UFSP2: variants seen among roughly 807,000 people sequenced by gnomAD.
The protein encoded by UFSP2 is UFM1 specific peptidase 2, also known as ufm1-specific protease 2.
In UFSP2, 43 loss-of-function variants were observed where a neutral mutation model predicts 60.2. The ratio of observed to expected loss-of-function variants is 0.71; its 90% CI spans 0.56 to 0.92. The LOEUF is 0.92. UFSP2 is among the 40% of genes least tolerant of loss of function. The pLI, the probability that UFSP2 is intolerant of heterozygous loss-of-function variation, is 0.00. For synonymous variants in UFSP2, 183 were observed against 195.1 expected (o/e 0.94, Z 0.52); for missense variants, 520 against 575.0 (o/e 0.90, Z 0.98).
At chr4:185,404,299 T>TG (rs1373569398) in intron 10 of UFSP2, among the ~76,000 whole-genome samples, 1 of 143,662 alleles carries the variant, frequency 7.0e-6, no homozygotes, top group African/African-American at 2.7e-5. Flanking sequence ...TTAAGTTTTT[T>TG]TTTTTTTTTT....
chr4:185,422,172 CATGT>C (rs1254778767), intron 2 of UFSP2, among the ~76,000 whole-genome samples: 2 of 152,196 alleles, frequency 1.3e-5, no homozygotes, highest in Non-Finnish European at 2.9e-5. Context: ...GCAAGTCTGT[CATGT>C]ACAATTCTCG....
At chr4:185,411,069 A>G (rs2095528451) in intron 7 of UFSP2, among the ~76,000 whole-genome samples, 1 of 151,820 alleles carries the variant, frequency 6.6e-6, no homozygotes, top group African/African-American at 2.4e-5. Flanking sequence ...AGCAAAAATT[A>G]ATAAAATCAA....
In UFSP2 at chr4:185,418,602, A is replaced by G. The variant is rs770444245; in HGVS notation, c.251T>C (p.Ile84Thr). ...ELTDASACKN[I>T]LRFIQFEPEE... ...ACATACTCACTGAATAAAGCGCAGTATGTTCTTACAAGCAGAAGCATCAGT... is the reference window on the plus strand; with the variant it reads ...ACATACTCACTGAATAAAGCGCAGTGTGTTCTTACAAGCAGAAGCATCAGT... The change falls in exon 3 of 12, where the codon ATA (isoleucine) becomes ACA (threonine). Residue 84 changes from isoleucine to threonine, a missense_variant. Transcript: ENST00000264689. 1.2e-6 allele frequency: 2 copies of G among 1,613,306 alleles called. No homozygotes were observed. Among genetic ancestry groups the G allele is most frequent in the East Asian group, 4.5e-5 (2 of 44,836 alleles).
intron 10 of UFSP2, 38 bp from the exon 11 acceptor site, chr4:185,403,656 A>C (rs1561107006): frequency 2.5e-6 from 4 of 1,598,300 alleles, no homozygotes; most frequent in Non-Finnish European, 3.4e-6. Flanking sequence ...ATGAAGGCAT[A>C]AACAAATGTC....
chr4:185,414,489 C>T (rs1041655262), intron 6 of UFSP2, among the ~76,000 whole-genome samples: 1 of 152,158 alleles, frequency 6.6e-6, no homozygotes, highest in African/African-American at 2.4e-5. Context: ...AAAAGATCAG[C>T]TCCTGTAGCT....
intron 10 of UFSP2, 52 bp downstream of exon 10, chr4:185,405,728 T>C: frequency 3.9e-6 from 6 of 1,549,108 alleles, no homozygotes; most frequent in Non-Finnish European, 4.4e-6. Context: ...ATATCAATGA[T>C]AAGTTTTGCA....
chr4:185,403,125 CTT>C (rs1487553854), intron 11 of UFSP2, among the ~76,000 whole-genome samples: 1 of 152,154 alleles, frequency 6.6e-6, no homozygotes, highest in Non-Finnish European at 1.5e-5. Context: ...GCTTAGCTAT[CTT>C]TTGGTTAATT....
At chr4:185,407,837 A>C in intron 9 of UFSP2, 99 bp downstream of exon 9, 1 of 1,295,034 alleles carries the variant, frequency 7.7e-7, no homozygotes, top group Admixed American at 2.7e-5. Flanking sequence ...AAAAGGAATA[A>C]AAAGAAATAA....
intron 6 of UFSP2, among the ~76,000 whole-genome samples, chr4:185,414,655 G>A (rs2095535193): frequency 6.6e-6 from 1 of 152,192 alleles, no homozygotes; most frequent in Non-Finnish European, 1.5e-5. Context: ...CCAGTCATGA[G>A]TAAATCTCAT....
chr4:185,415,031 G>C, intron 6 of UFSP2, 124 bp downstream of exon 6: 1 of 793,898 alleles, frequency 1.3e-6, no homozygotes, highest in Non-Finnish European at 1.9e-6. Context: ...AAAATGAATA[G>C]TCTAAATTCC....
chr4:185,420,686 T>C (rs995995626), intron 2 of UFSP2, among the ~76,000 whole-genome samples: 9 of 152,196 alleles, frequency 5.9e-5, no homozygotes. Context: ...CTTCTGTTTA[T>C]CCCTAAAGGA....
chr4:185,402,438 T>A (rs1376242811), intron 11 of UFSP2: 1 of 391,920 alleles, frequency 2.6e-6, no homozygotes, highest in African/African-American at 2.1e-5. Context: ...ACAAAAGACT[T>A]CAGTAAACTG....
intron 4 of UFSP2, among the ~76,000 whole-genome samples, chr4:185,417,604 C>T (rs73029580): frequency 0.05 from 7,607 of 152,254 alleles, 219 homozygotes; most frequent in South Asian, 0.1. Context: ...TTATGTCCAC[C>T]CATTCTTCCT....
At chr4:185,411,431 AAAAAC>A (rs1009969036) in intron 7 of UFSP2, among the ~76,000 whole-genome samples, 23 of 152,210 alleles carry the variant, frequency 1.5e-4, no homozygotes, top group African/African-American at 4.8e-4. Flanking sequence ...TCACTAATAA[AAAAAC>A]AAAATAAGAA....
Position 185,425,893 on chromosome 4 carries a change from G to T in UFSP2, c.-25C>A, listed in dbSNP as rs1226074621. The T allele has an allele frequency of 1.9e-6, 3 of 1,595,996 alleles. No individual in the cohort carries two copies. The highest frequency in any genetic ancestry group is 3.5e-5 in the Admixed American group (2 of 57,234). On this transcript the variant is annotated 5_prime_UTR_variant, in exon 1 of 12. Coordinates refer to ENST00000264689, the MANE Select transcript of UFSP2 (RefSeq NM_018359.5). ...TGTCCGCGACGTGGCGGTGACACGG[G>T]CGCTGACGCCTGCCCAAAAGTTCCG...
At chr4:185,408,130 T>C in intron 8 of UFSP2, 70 bp from the exon 9 acceptor site, 1 of 1,566,352 alleles carries the variant, frequency 6.4e-7, no homozygotes, top group Non-Finnish European at 8.8e-7. Context: ...TAGGGCATTT[T>C]CCCTGATTAC....
In UFSP2 at chr4:185,407,927, T is replaced by G; in HGVS notation, c.1121+9A>C. On this transcript the variant is annotated intron_variant, in intron 9 of 11. Transcript: ENST00000264689. The stretch of plus-strand genomic sequence containing the variant: ...AAATGATTTATCTAATTTCTTAAAG[T>G]GTGCTTACCTGACAAACAGGATTTT... 2 of 1,607,744 alleles carry G rather than the reference T, an allele frequency of 1.2e-6. No individual in the cohort carries two copies. Among genetic ancestry groups the G allele is most frequent in the Non-Finnish European group, 1.7e-6 (2 of 1,177,720 alleles).
chr4:185,405,075 G>A (rs958404557), intron 10 of UFSP2, among the ~76,000 whole-genome samples: 1 of 150,288 alleles, frequency 6.7e-6, no homozygotes, highest in Non-Finnish European at 1.5e-5. Flanking sequence ...GGATCTCTTG[G>A]CTCACTGCAG....
At chr4:185,421,314 C>A (rs2095548958) in intron 2 of UFSP2, among the ~76,000 whole-genome samples, 1 of 152,206 alleles carries the variant, frequency 6.6e-6, no homozygotes, top group African/African-American at 2.4e-5. Context: ...TCAAGGAATG[C>A]TGGTATCTGA....
Sources: allele counts gnomAD v4.1 joint callset (sites outside exome capture counted in the v4.1 genomes callset), GRCh38; gene constraint gnomAD v4.1.1; transcripts MANE v1.5; gene names NCBI Gene and HGNC (gene_info 2026-07-23, HGNC 2026-07-21).